NTN1: variants seen among roughly 807,000 people sequenced by gnomAD.
NTN1 encodes netrin-1.
In NTN1, 11 loss-of-function variants were observed where a neutral mutation model predicts 54.2. The observed-to-expected ratio is 0.20, with a 90% CI of 0.13 to 0.34. The LOEUF is 0.34. Ranked by LOEUF, NTN1 falls within the 10% of genes least tolerant of loss-of-function variation. The pLI is 1.00. For missense variants in NTN1, 740 were observed against 893.1 expected (o/e 0.83, Z 2.18); for synonymous variants, 371 against 382.0 (o/e 0.97, Z 0.33).
At chr17:9,186,567 G>T (rs1175371514) in intron 5 of NTN1, among the ~76,000 whole-genome samples, 2 of 152,214 alleles carry the variant, frequency 1.3e-5, no homozygotes, top group East Asian at 3.9e-4. Context: ...AACTGCCCCA[G>T]CAGCCCCAGC....
At chr17:9,095,512 T>G (rs2092128571) in intron 2 of NTN1, among the ~76,000 whole-genome samples, 1 of 152,250 alleles carries the variant, frequency 6.6e-6, no homozygotes, top group South Asian at 2.1e-4. Flanking sequence ...GAAATGCTCC[T>G]TTGCCATGTG....
At chr17:9,024,477 A>G (rs779318495) in intron 2 of NTN1, among the ~76,000 whole-genome samples, 2 of 152,198 alleles carry the variant, frequency 1.3e-5, no homozygotes, top group African/African-American at 2.4e-5. Context: ...TCCCCATCTC[A>G]AACAGCCAGT....
chr17:9,079,780 A>C (rs2092064242), intron 2 of NTN1, among the ~76,000 whole-genome samples: 1 of 77,706 alleles, frequency 1.3e-5, no homozygotes, highest in Non-Finnish European at 2.7e-5. Flanking sequence ...TCCCCCTGGT[A>C]AGTGGTTCCT....
chr17:9,236,275 C>T (rs1190105462), intron 6 of NTN1, among the ~76,000 whole-genome samples: 3 of 152,124 alleles, frequency 2.0e-5, no homozygotes, highest in Non-Finnish European at 4.4e-5. Flanking sequence ...TTGGGAGGGG[C>T]GCCAGGTTCC....
At chr17:9,052,881 C>CA (rs1477821937) in intron 2 of NTN1, among the ~76,000 whole-genome samples, 2 of 152,224 alleles carry the variant, frequency 1.3e-5, no homozygotes, top group African/African-American at 4.8e-5. Flanking sequence ...GGCAGAGGGG[C>CA]CATATCCTTA....
intron 5 of NTN1, among the ~76,000 whole-genome samples, chr17:9,186,057 C>T (rs1383412515): frequency 6.6e-6 from 1 of 152,198 alleles, no homozygotes; most frequent in African/African-American, 2.4e-5. Context: ...TCTCGGTCCG[C>T]CCCTGAGGAT....
At chr17:9,119,333 A>G (rs912709417) in intron 2 of NTN1, among the ~76,000 whole-genome samples, 2 of 151,962 alleles carry the variant, frequency 1.3e-5, no homozygotes, top group Non-Finnish European at 2.9e-5. Context: ...GATTACAGGC[A>G]CACACCACCA....
At chr17:9,174,783 G>C (rs890230091) in intron 3 of NTN1, 3 of 152,380 alleles carry the variant, frequency 2.0e-5, no homozygotes, top group Admixed American at 2.0e-4. Flanking sequence ...ATTGTGTGTG[G>C]CAGGGAGTAC....
intron 4 of NTN1, 85 bp from the exon 5 acceptor site, chr17:9,182,831 G>A: frequency 7.3e-7 from 1 of 1,376,030 alleles, no homozygotes; most frequent in Non-Finnish European, 1.0e-6. Flanking sequence ...AGGAGTCTGT[G>A]CTGGGCTCAT....
rs924691873 is a variant in NTN1, at chr17:9,120,892, T to C, written c.1019-41921T>C. ...CTTTTTGCTTAAAAATACTCAGGTT[T>C]TCACAAGAGTCACTTCAGTTCTTGG... On this transcript the variant is annotated intron_variant, in intron 2 of 6. Transcript: ENST00000173229. Among the ~76,000 whole-genome samples, 13 of 152,358 alleles carry C rather than the reference T, an allele frequency of 8.5e-5. No homozygotes were observed. In the East Asian group the frequency reaches 2.5e-3, roughly 29 times the overall value.
chr17:9,131,139 C>CA (rs1029236908), intron 2 of NTN1, among the ~76,000 whole-genome samples: 3 of 152,208 alleles, frequency 2.0e-5, no homozygotes, highest in African/African-American at 7.2e-5. Context: ...CCTGTGTCTA[C>CA]ATGGCTCACA....
intron 2 of NTN1, among the ~76,000 whole-genome samples, chr17:9,085,715 A>G (rs955936323): frequency 1.3e-5 from 2 of 152,198 alleles, no homozygotes; most frequent in African/African-American, 4.8e-5. Context: ...GCCCACACAC[A>G]GTTGGGTACT....
chr17:9,051,963 G>GTTT (rs781173173), intron 2 of NTN1, among the ~76,000 whole-genome samples: 3 of 144,796 alleles, frequency 2.1e-5, no homozygotes, highest in African/African-American at 7.6e-5. Flanking sequence ...ACACGTTTGG[G>GTTT]TTTTTTTTTT....
intron 2 of NTN1, among the ~76,000 whole-genome samples, chr17:9,033,264 T>A (rs906676764): frequency 6.6e-6 from 1 of 152,136 alleles, no homozygotes; most frequent in Admixed American, 6.5e-5. Context: ...CAATCCTTTT[T>A]AAACCATGTT....
intron 5 of NTN1, among the ~76,000 whole-genome samples, chr17:9,201,967 C>G (rs1056481937): frequency 7.4e-6 from 1 of 135,030 alleles, no homozygotes; most frequent in African/African-American, 3.0e-5. Context: ...GCGGGCGAAT[C>G]ACAAGGCCAG....
chr17:9,081,578 T>A (rs1379058064), intron 2 of NTN1, among the ~76,000 whole-genome samples: 2 of 152,108 alleles, frequency 1.3e-5, no homozygotes, highest in Non-Finnish European at 2.9e-5. Flanking sequence ...CGTCCACACA[T>A]CCTGCCATGA....
At chr17:9,180,035 G>A in intron 4 of NTN1, 79 bp downstream of exon 4, 3 of 1,450,684 alleles carry the variant, frequency 2.1e-6, no homozygotes, top group Non-Finnish European at 2.8e-6. Flanking sequence ...AGTCACTGAT[G>A]TTCAGTGGGT....
At position 9,105,239 on chromosome 17, in the gene NTN1, G is replaced by C. The variant is rs567561471; in HGVS notation, c.1019-57574G>C. On this transcript the variant is annotated intron_variant, in intron 2 of 6. Coordinates refer to ENST00000173229, the MANE Select transcript of NTN1 (RefSeq NM_004822.3). ...CGGATTTCCAGGGCCAGCCCCCTTG[G>C]GTCAGCTTGGTCTGCTCCATCTGCC... Among the ~76,000 whole-genome samples the C allele has an allele frequency of 2.9e-4, 44 of 152,264 alleles. No individual in the cohort carries two copies. In the South Asian group the frequency reaches 6.8e-3, roughly 24 times the overall value.
At chr17:9,178,434 T>C (rs556363677) in intron 3 of NTN1, among the ~76,000 whole-genome samples, 1 of 152,302 alleles carries the variant, frequency 6.6e-6, no homozygotes, top group South Asian at 2.1e-4. Flanking sequence ...CCTCACATTC[T>C]TCTCTTCTCC....
Sources: gnomAD v4.1 joint callset for allele counts (sites outside exome capture counted in the v4.1 genomes callset) on GRCh38, gnomAD v4.1.1 for gene constraint, MANE v1.5 for transcripts, NCBI Gene and HGNC (gene_info 2026-07-23, HGNC 2026-07-21) for gene names.